DPP10: variants seen among roughly 807,000 people sequenced by gnomAD.
DPP10 encodes the protein inactive dipeptidyl peptidase 10.
In DPP10, 33 loss-of-function variants were observed where a neutral mutation model predicts 120.9. The ratio of observed to expected loss-of-function variants is 0.27; its 90% CI spans 0.21 to 0.37. The LOEUF is 0.37. Among genes scored for constraint, DPP10 ranks in the 10% least tolerant of loss-of-function variants. The pLI, the probability that DPP10 is intolerant of heterozygous loss-of-function variation, is 1.00. For missense variants in DPP10, 816 were observed against 942.8 expected (o/e 0.87, Z 1.76); for synonymous variants, 337 against 326.1 (o/e 1.03, Z -0.36).
At position 115,586,811 on chromosome 2, in the gene DPP10, C is replaced by T. The variant is rs187189120; in HGVS notation, c.441+60839C>T. ...TATATTCTTACTTGAGTTTTCATTG[C>T]ACTGTTCTCATAAGGAACTTGAGTA... On this transcript the variant is annotated intron_variant, in intron 5 of 25. Transcript: ENST00000410059. Among the ~76,000 whole-genome samples the T allele has an allele frequency of 5.3e-5, 8 of 152,238 alleles. No individual in the cohort carries two copies. The East Asian group carries it at 1.4e-3, about 26-fold the overall frequency.
At chr2:114,537,650 T>C (rs1686622481) in intron 1 of DPP10, among the ~76,000 whole-genome samples, 1 of 152,152 alleles carries the variant, frequency 6.6e-6, no homozygotes, top group Non-Finnish European at 1.5e-5. Flanking sequence ...TCAAAGGACA[T>C]TCACTTCTAT....
At chr2:114,650,082 T>C (rs9308697) in intron 1 of DPP10, among the ~76,000 whole-genome samples, 51,971 of 152,040 alleles carry the variant, frequency 0.34, 11,390 homozygotes, top group African/African-American at 0.62. Context: ...CGATCAAGTT[T>C]CATCGTCTGA....
chr2:115,708,854 C>T (rs1353792812), intron 7 of DPP10, among the ~76,000 whole-genome samples: 4 of 151,988 alleles, frequency 2.6e-5, no homozygotes, highest in Non-Finnish European at 5.9e-5. Flanking sequence ...AATAAAAATA[C>T]TACACCTGGA....
intron 1 of DPP10, among the ~76,000 whole-genome samples, chr2:114,510,615 C>CA (rs914862001): frequency 5.9e-5 from 9 of 151,964 alleles, no homozygotes; most frequent in South Asian, 2.1e-4. Flanking sequence ...AAAAACAAAA[C>CA]AAAAAAACAA....
intron 1 of DPP10, among the ~76,000 whole-genome samples, chr2:114,747,047 G>T (rs1431388971): frequency 6.6e-6 from 1 of 152,138 alleles, no homozygotes; most frequent in Non-Finnish European, 1.5e-5. Flanking sequence ...AGTTCTGAAT[G>T]ATGTACTGTG....
intron 3 of DPP10, among the ~76,000 whole-genome samples, chr2:115,417,998 T>C (rs778745462): frequency 1.3e-5 from 2 of 152,170 alleles, no homozygotes; most frequent in Non-Finnish European, 2.9e-5. Context: ...GTGAGTTGGC[T>C]TTGAGGTTAA....
At chr2:114,768,076 C>T (rs565380121) in intron 1 of DPP10, among the ~76,000 whole-genome samples, 64 of 145,568 alleles carry the variant, frequency 4.4e-4, no homozygotes, top group African/African-American at 1.4e-3. Context: ...GGCAGTGAGC[C>T]GAGATTGTGC....
At chr2:114,900,034 A>G (rs143965690) in intron 1 of DPP10, among the ~76,000 whole-genome samples, 1 of 152,366 alleles carries the variant, frequency 6.6e-6, no homozygotes, top group Non-Finnish European at 1.5e-5. Flanking sequence ...TCAATGCTGT[A>G]TAACAATTGT....
chr2:115,010,908 G>A (rs1011144278), intron 1 of DPP10, among the ~76,000 whole-genome samples: 1 of 152,142 alleles, frequency 6.6e-6, no homozygotes, highest in Non-Finnish European at 1.5e-5. Context: ...TAAATGGAAA[G>A]GCAAACGTAA....
At chr2:114,754,432 C>T (rs116552200) in intron 1 of DPP10, among the ~76,000 whole-genome samples, 1,797 of 152,188 alleles carry the variant, frequency 0.012, 22 homozygotes, top group Non-Finnish European at 0.019. Flanking sequence ...TATAATGATT[C>T]GATTGATTTG....
intron 1 of DPP10, among the ~76,000 whole-genome samples, chr2:114,463,655 T>C (rs1330468911): frequency 1.3e-5 from 2 of 152,228 alleles, no homozygotes; most frequent in African/African-American, 4.8e-5. Flanking sequence ...CTAGTTATTT[T>C]AAATTTGCCT....
intron 7 of DPP10, among the ~76,000 whole-genome samples, chr2:115,724,525 TA>T (rs2092721802): frequency 7.0e-6 from 1 of 143,868 alleles, no homozygotes; most frequent in South Asian, 2.2e-4. Context: ...ATTGTTCTTC[TA>T]TTTTTTTTTG....
intron 3 of DPP10, among the ~76,000 whole-genome samples, chr2:115,390,835 T>C (rs536685233): frequency 6.6e-6 from 1 of 152,190 alleles, no homozygotes; most frequent in Admixed American, 6.5e-5. Context: ...AAGTTTGAAT[T>C]AAGAGAGATC....
chr2:115,265,571 T>C (rs74338260), intron 1 of DPP10, among the ~76,000 whole-genome samples: 31 of 152,160 alleles, frequency 2.0e-4, no homozygotes, highest in Non-Finnish European at 4.1e-4. Flanking sequence ...CAGGTATACA[T>C]TATGATTTAT....
chr2:115,759,241 GAAAAGA>G (rs1679799418), intron 11 of DPP10, among the ~76,000 whole-genome samples: 1 of 151,786 alleles, frequency 6.6e-6, no homozygotes. Context: ...TACTTATAAG[GAAAAGA>G]ATGAACATAT....
In DPP10 at chr2:115,484,596, G is replaced by A. The variant is rs114006352; in HGVS notation, c.272-14914G>A. 7.4e-3 allele frequency among the ~76,000 whole-genome samples: 1,131 copies of A among 152,252 alleles called. 6 individuals are homozygous for A. The highest frequency in any genetic ancestry group is 0.025 in the African/African-American group (1,032 of 41,556). ...TATGTTGTCTTGAAAGTGACAGGCT[G>A]TAGGGATTCCATATGCTATAGTCAT... On this transcript the variant is annotated intron_variant, in intron 3 of 25. Transcript: ENST00000410059.
At chr2:115,486,646 T>A (rs1166536876) in intron 3 of DPP10, among the ~76,000 whole-genome samples, 1 of 152,184 alleles carries the variant, frequency 6.6e-6, no homozygotes, top group African/African-American at 2.4e-5. Context: ...GTAAGAGTTT[T>A]AACTGAAGAA....
intron 5 of DPP10, among the ~76,000 whole-genome samples, chr2:115,572,165 C>T (rs1309745051): frequency 1.3e-5 from 2 of 151,860 alleles, no homozygotes; most frequent in East Asian, 1.9e-4. Flanking sequence ...ACAATAAATG[C>T]ATTTTTATAG....
At chr2:115,656,634 T>C (rs1242204178) in intron 5 of DPP10, among the ~76,000 whole-genome samples, 1 of 151,742 alleles carries the variant, frequency 6.6e-6, no homozygotes, top group South Asian at 2.1e-4. Context: ...TATTAAAAAT[T>C]CAGATAATGT....
Sources: gnomAD v4.1 joint callset for allele counts (sites outside exome capture counted in the v4.1 genomes callset) on GRCh38, gnomAD v4.1.1 for gene constraint, MANE v1.5 for transcripts, NCBI Gene and HGNC (gene_info 2026-07-23, HGNC 2026-07-21) for gene names.